AGBL3: variants seen among roughly 807,000 people sequenced by gnomAD.
The protein encoded by AGBL3 is AGBL carboxypeptidase 3.
A neutral mutation model predicts 94.5 loss-of-function variants in AGBL3; 68 were observed. The ratio of observed to expected loss-of-function variants is 0.72; its 90% CI spans 0.59 to 0.88. AGBL3 has a LOEUF of 0.88. AGBL3 is among the 40% of genes least tolerant of loss of function. The pLI is 0.00. For synonymous variants in AGBL3, 354 were observed against 370.7 expected (o/e 0.95, Z 0.52); for missense variants, 934 against 1,103.8 (o/e 0.85, Z 2.18).
chr7:135,081,921 A>G (rs1820953820), intron 15 of AGBL3, 131 bp downstream of exon 15: 1 of 566,780 alleles, frequency 1.8e-6, no homozygotes, highest in South Asian at 4.8e-5. Context: ...TTTTAATTTT[A>G]CCCAGTCAAA....
chr7:135,042,382 C>A (rs1478677430), intron 8 of AGBL3, among the ~76,000 whole-genome samples: 6 of 152,110 alleles, frequency 3.9e-5, no homozygotes, highest in African/African-American at 1.4e-4. Context: ...TTGGATAAAT[C>A]TCAAAAGTAT....
intron 16 of AGBL3, among the ~76,000 whole-genome samples, chr7:135,117,344 T>C (rs1329510729): frequency 1.4e-5 from 2 of 144,498 alleles, no homozygotes; most frequent in African/African-American, 5.0e-5. Context: ...TCATTTTGGC[T>C]TAAGAACAGA....
At chr7:135,036,145 G>A (rs1285243911) in intron 7 of AGBL3, among the ~76,000 whole-genome samples, 3 of 151,958 alleles carry the variant, frequency 2.0e-5, no homozygotes, top group Non-Finnish European at 4.4e-5. Flanking sequence ...TAACATTTTG[G>A]TGTTTATCTT....
At chr7:135,045,655 G>A in intron 10 of AGBL3, 81 bp downstream of exon 10, 1 of 1,377,610 alleles carries the variant, frequency 7.3e-7, no homozygotes, top group Non-Finnish European at 1.0e-6. Context: ...TGCAGTGTTT[G>A]CCTTTTAATG....
intron 12 of AGBL3, among the ~76,000 whole-genome samples, chr7:135,063,931 G>T (rs1819055028): frequency 6.6e-6 from 1 of 152,150 alleles, no homozygotes; most frequent in South Asian, 2.1e-4. Flanking sequence ...GCCAAACTTA[G>T]CTCCTAATTG....
intron 12 of AGBL3, among the ~76,000 whole-genome samples, chr7:135,073,407 G>T (rs1261170969): frequency 6.6e-6 from 1 of 152,054 alleles, no homozygotes; most frequent in Non-Finnish European, 1.5e-5. Context: ...GGAAGTGCAG[G>T]TTGCAGTGAG....
intron 15 of AGBL3, among the ~76,000 whole-genome samples, chr7:135,082,156 C>G (rs1820973875): frequency 6.6e-6 from 1 of 152,112 alleles, no homozygotes; most frequent in Non-Finnish European, 1.5e-5. Context: ...AAAAAGTTTA[C>G]TTTCAATAAA....
chr7:135,083,479 T>C (rs1303255486), intron 15 of AGBL3, among the ~76,000 whole-genome samples: 4 of 151,928 alleles, frequency 2.6e-5, no homozygotes, highest in Non-Finnish European at 5.9e-5. Flanking sequence ...AAAAACTTTC[T>C]CTCTCTCTCT....
chr7:135,120,705 C>A lies in AGBL3; in HGVS notation c.2342+5094C>A, dbSNP rs112979071. On this transcript the variant is annotated intron_variant, in intron 16 of 16. Transcript: ENST00000436302. ...ATATGCAGTCACAAGAAACTCATTT[C>A]AAATATGACAATGGAGGCAGGCTGA... Among the ~76,000 whole-genome samples the A allele has an allele frequency of 1.3e-3, 192 of 152,144 alleles. 3 individuals are homozygous for A. The highest frequency in any genetic ancestry group is 4.6e-3 in the African/African-American group (190 of 41,494).
intron 4 of AGBL3, among the ~76,000 whole-genome samples, chr7:134,996,772 G>A (rs7792318): frequency 6.6e-6 from 1 of 151,958 alleles, no homozygotes; most frequent in Non-Finnish European, 1.5e-5. Context: ...TATTTTGGGG[G>A]TACATTCCCA....
At chr7:135,116,670 C>T (rs1489788929) in intron 16 of AGBL3, among the ~76,000 whole-genome samples, 1 of 152,174 alleles carries the variant, frequency 6.6e-6, no homozygotes, top group East Asian at 1.9e-4. Context: ...TCTTCTTTGA[C>T]TCCACCCTAG....
chr7:135,027,211 C>G (rs1248010696), intron 5 of AGBL3, among the ~76,000 whole-genome samples: 1 of 151,324 alleles, frequency 6.6e-6, no homozygotes, highest in Non-Finnish European at 1.5e-5. Flanking sequence ...CCATGTTCGG[C>G]TAATTTTTTG....
intron 5 of AGBL3, among the ~76,000 whole-genome samples, chr7:135,024,713 G>T (rs1408710420): frequency 6.6e-6 from 1 of 152,166 alleles, no homozygotes; most frequent in Non-Finnish European, 1.5e-5. Flanking sequence ...TCGAGATTCA[G>T]GAGAAAGTTG....
rs1817898235 is a variant in AGBL3 at position 135,051,776 on chromosome 7, A to C, written c.1841+5865A>C. On this transcript the variant is annotated intron_variant, in intron 11 of 16. Transcript: ENST00000436302. ...CTTCATTCCTAATTACTTTAGGGTA[A>C]ATATTCACCTGCTTCTTCCTTTTCC... is the stretch of plus-strand genomic sequence containing the variant. 2.0e-5 allele frequency among the ~76,000 whole-genome samples: 3 copies of C among 152,154 alleles called. No homozygotes were observed. The South Asian group carries it at 6.2e-4, about 32-fold the overall frequency.
At chr7:134,988,924 C>T (rs374821692) in intron 2 of AGBL3, among the ~76,000 whole-genome samples, 37 of 152,264 alleles carry the variant, frequency 2.4e-4, no homozygotes, top group African/African-American at 7.5e-4. Context: ...AGGCATGAGC[C>T]GCCACGCCCG....
At position 135,135,554 on chromosome 7, in the gene AGBL3, C is replaced by A. The variant is rs1253610491; in HGVS notation, c.*293C>A. The A allele has an allele frequency of 4.7e-6, 1 of 214,362 alleles. No homozygotes were observed. Among genetic ancestry groups the A allele is most frequent in the African/African-American group, 2.3e-5 (1 of 43,730 alleles). 13.3% of individuals were successfully genotyped at this position (214,362 alleles called of 1,614,324 possible). A position where few individuals can be genotyped will look rare whatever the true frequency, so the allele number is the denominator to read the frequency against. Reference sequence around the variant, plus strand: ...TTTTGATTTCTTCCAAAACTACTTACACATTCGACACCAAAAAAACTTAAG... The same window carrying A: ...TTTTGATTTCTTCCAAAACTACTTAAACATTCGACACCAAAAAAACTTAAG... On this transcript the variant is annotated 3_prime_UTR_variant, in exon 17 of 17. Transcript: ENST00000436302.
chr7:135,040,745 T>C (rs892233549), intron 8 of AGBL3, among the ~76,000 whole-genome samples: 26 of 152,204 alleles, frequency 1.7e-4, no homozygotes, highest in African/African-American at 6.3e-4. Context: ...CCCCACTTCA[T>C]GCAGCCTTGT....
intron 12 of AGBL3, among the ~76,000 whole-genome samples, chr7:135,071,311 A>C (rs940915866): frequency 6.6e-6 from 1 of 152,174 alleles, no homozygotes; most frequent in Non-Finnish European, 1.5e-5. Flanking sequence ...TTTCATCGTG[A>C]AAATGGCAGA....
Position 135,017,080 on chromosome 7 carries a change from G to A in AGBL3, c.339G>A (p.Val113=), listed in dbSNP as rs774690022. ...IDWTPSCPEP[V]YIPTGLETEP... is the part of the protein sequence containing the mutation. ...GGACTCCTTCTTGTCCTGAGCCAGT[G>A]TATATCCCAACGGGCTTAGAAACGG... Residue 113 remains valine, a synonymous_variant, in exon 5 of 17, where the codon GTG becomes GTA. Coordinates refer to ENST00000436302, the MANE Select transcript of AGBL3 (RefSeq NM_178563.4). 1.1e-4 allele frequency: 169 copies of A among 1,549,794 alleles called. No homozygotes were observed. The highest frequency in any genetic ancestry group is 2.0e-5 in the Admixed American group (1 of 50,972).
Sources: gnomAD v4.1 joint callset for allele counts (sites outside exome capture counted in the v4.1 genomes callset) on GRCh38, gnomAD v4.1.1 for gene constraint, MANE v1.5 for transcripts, NCBI Gene and HGNC (gene_info 2026-07-23, HGNC 2026-07-21) for gene names.